The following UVRAG variants were observed in gnomAD, a reference collection of about 807,000 sequenced individuals.
UVRAG encodes UV radiation resistance-associated gene protein.
In UVRAG, 19 loss-of-function variants were observed where a neutral mutation model predicts 78.0. The observed-to-expected ratio is 0.24, with a 90% confidence interval of 0.17 to 0.36. UVRAG has a LOEUF of 0.36. Ranked by LOEUF, UVRAG falls within the 10% of genes least tolerant of loss-of-function variation. The pLI, the probability that UVRAG is intolerant of heterozygous loss-of-function variation, is 1.00. For missense variants in UVRAG, 740 were observed against 853.8 expected (o/e 0.87, Z 1.66); for synonymous variants, 323 against 324.6 (o/e 1.00, Z 0.05).
chr11:76,045,536 C>T (rs1591171866), intron 12 of UVRAG, among the ~76,000 whole-genome samples: 1 of 151,388 alleles, frequency 6.6e-6, no homozygotes, highest in African/African-American at 2.4e-5. Context: ...TTTTAGGAGA[C>T]TTTAAATAAT....
At position 75,954,826 on chromosome 11, in the gene UVRAG, A is replaced by T. The variant is rs868242605; in HGVS notation, c.594-6618A>T. Among the ~76,000 whole-genome samples, 15 of 152,340 alleles carry T rather than the reference A, an allele frequency of 9.8e-5. 1 individual carries two copies. The Middle Eastern group carries it at 0.017, about 173-fold the overall frequency. On this transcript the variant is annotated intron_variant, in intron 6 of 14. Coordinates refer to ENST00000356136, the MANE Select transcript of UVRAG (RefSeq NM_003369.4). The stretch of plus-strand genomic sequence containing the variant: ...ATGTAATATTTTTGTGGTGCCATAC[A>T]CATGAAGTAGCAGATTTCCAGAGGA...
chr11:76,071,322 A>T (rs1951303527), intron 13 of UVRAG, among the ~76,000 whole-genome samples: 1 of 152,188 alleles, frequency 6.6e-6, no homozygotes, highest in Non-Finnish European at 1.5e-5. Flanking sequence ...CCTGAAGGTC[A>T]TGGGAATAGC....
At chr11:76,102,792 T>G (rs1184889559) in intron 13 of UVRAG, among the ~76,000 whole-genome samples, 1 of 152,182 alleles carries the variant, frequency 6.6e-6, no homozygotes, top group Non-Finnish European at 1.5e-5. Flanking sequence ...ATGTTGAATT[T>G]TATCAAAAGC....
chr11:75,863,116 A>T (rs111983586), intron 3 of UVRAG, among the ~76,000 whole-genome samples: 1 of 152,158 alleles, frequency 6.6e-6, no homozygotes, highest in Non-Finnish European at 1.5e-5. Context: ...CTCTTCATCA[A>T]GCTGTCTTTG....
intron 12 of UVRAG, among the ~76,000 whole-genome samples, chr11:76,054,506 G>A (rs78055966): frequency 0.023 from 3,492 of 152,268 alleles, 144 homozygotes; most frequent in African/African-American, 0.081. Flanking sequence ...GACCCTGCAT[G>A]ATGTAAACCG....
chr11:76,073,056 C>T (rs2134395793), intron 13 of UVRAG, among the ~76,000 whole-genome samples: 1 of 152,228 alleles, frequency 6.6e-6, no homozygotes, highest in African/African-American at 2.4e-5. Context: ...TATTTGTCTT[C>T]TGTAAGACTG....
At chr11:75,937,438 T>C (rs544953628) in intron 6 of UVRAG, among the ~76,000 whole-genome samples, 1 of 152,366 alleles carries the variant, frequency 6.6e-6, no homozygotes, top group East Asian at 1.9e-4. Flanking sequence ...ATGGTGCCTT[T>C]CTACTGGTAA....
At chr11:76,139,686 A>T (rs916514230) in intron 14 of UVRAG, among the ~76,000 whole-genome samples, 1 of 152,184 alleles carries the variant, frequency 6.6e-6, no homozygotes, top group African/African-American at 2.4e-5. Context: ...CATAGTGTAT[A>T]ACATAGCCAT....
chr11:76,081,938 C>CAAAAA (rs775703377), intron 13 of UVRAG, among the ~76,000 whole-genome samples: 2 of 69,684 alleles, frequency 2.9e-5, no homozygotes, highest in African/African-American at 8.2e-5. Context: ...AGAACCAAAG[C>CAAAAA]AAAAAAAAAA....
chr11:75,955,217 C>G (rs765458707), intron 6 of UVRAG, among the ~76,000 whole-genome samples: 1 of 152,004 alleles, frequency 6.6e-6, no homozygotes, highest in Non-Finnish European at 1.5e-5. Flanking sequence ...ACACCCAGAC[C>G]AAGAGGCAAC....
At chr11:76,076,835 A>ATTTATTTATTT (rs1565150618) in intron 13 of UVRAG, among the ~76,000 whole-genome samples, 27 of 112,506 alleles carry the variant, frequency 2.4e-4, no homozygotes, top group African/African-American at 1.4e-3. Flanking sequence ...TTTATTTATT[A>ATTTATTTATTT]GAGGCAGATG....
intron 6 of UVRAG, among the ~76,000 whole-genome samples, chr11:75,914,012 A>G (rs1181925927): frequency 6.6e-6 from 1 of 152,236 alleles, no homozygotes; most frequent in Non-Finnish European, 1.5e-5. Flanking sequence ...ATGCCTAGCT[A>G]ATAACACAGA....
At chr11:75,880,633 C>T (rs1049408044) in intron 4 of UVRAG, among the ~76,000 whole-genome samples, 1 of 152,186 alleles carries the variant, frequency 6.6e-6, no homozygotes, top group African/African-American at 2.4e-5. Context: ...CGGCTCACCA[C>T]AGCCTCCGCC....
At chr11:76,074,745 G>A (rs776784977) in intron 13 of UVRAG, among the ~76,000 whole-genome samples, 11 of 151,828 alleles carry the variant, frequency 7.2e-5, no homozygotes, top group East Asian at 1.9e-4. Flanking sequence ...TTTTAATTTG[G>A]GCCTTCCTAC....
rs557346635 is a variant in UVRAG at position 75,920,637 on chromosome 11, C to T, written c.593+8598C>T. On this transcript the variant is annotated intron_variant, in intron 6 of 14. Coordinates refer to ENST00000356136, the MANE Select transcript of UVRAG (RefSeq NM_003369.4). ...ACCACCCAAACACAGAACATAGGTCCGCATGACCCCTAGTCACCCTTCACC... is the reference window on the plus strand; with the variant it reads ...ACCACCCAAACACAGAACATAGGTCTGCATGACCCCTAGTCACCCTTCACC... Among the ~76,000 whole-genome samples, 10 of 152,136 alleles carry T rather than the reference C, an allele frequency of 6.6e-5. No individual in the cohort carries two copies. The South Asian group carries it at 1.2e-3, about 19-fold the overall frequency.
intron 13 of UVRAG, among the ~76,000 whole-genome samples, chr11:76,070,000 G>T (rs148285280): frequency 2.0e-3 from 300 of 152,246 alleles, no homozygotes; most frequent in Non-Finnish European, 3.3e-3. Context: ...ATAATGAATG[G>T]TGATATAGCA....
chr11:75,994,017 G>T (rs1049050858), intron 8 of UVRAG, among the ~76,000 whole-genome samples: 2 of 152,112 alleles, frequency 1.3e-5, no homozygotes, highest in African/African-American at 4.8e-5. Flanking sequence ...ATTTGTGAGG[G>T]ATCCATCCCC....
At chr11:76,013,885 A>G (rs1377160091) in intron 11 of UVRAG, among the ~76,000 whole-genome samples, 1 of 152,220 alleles carries the variant, frequency 6.6e-6, no homozygotes, top group Non-Finnish European at 1.5e-5. Flanking sequence ...TGGAAATCTA[A>G]CACCACAGTG....
At chr11:75,898,238 AG>A (rs1426256410) in intron 5 of UVRAG, among the ~76,000 whole-genome samples, 2 of 152,194 alleles carry the variant, frequency 1.3e-5, no homozygotes, top group Non-Finnish European at 2.9e-5. Flanking sequence ...CCTTAGAGGA[AG>A]GTAGGGCCAA....
Sources: allele counts gnomAD v4.1 joint callset (sites outside exome capture counted in the v4.1 genomes callset), GRCh38; gene constraint gnomAD v4.1.1; transcripts MANE v1.5; gene names NCBI Gene and HGNC (gene_info 2026-07-23, HGNC 2026-07-21).